FAT1: variants seen among roughly 807,000 people sequenced by gnomAD.
The protein encoded by FAT1 is protocadherin Fat 1.
In FAT1, 171 loss-of-function variants were observed where a neutral mutation model predicts 329.8. That is an observed-to-expected ratio of 0.52 (90% CI 0.46 to 0.59). FAT1 has a LOEUF of 0.59. Among genes scored for constraint, FAT1 ranks in the 20% least tolerant of loss-of-function variants. The pLI is 0.00. For synonymous variants in FAT1, 2,233 were observed against 2,228.6 expected (o/e 1.00, Z -0.06); for missense variants, 5,672 against 5,774.4 (o/e 0.98, Z 0.57).
intron 1 of FAT1, among the ~76,000 whole-genome samples, chr4:186,711,416 ACTAT>A (rs1304260448): frequency 6.6e-6 from 1 of 152,116 alleles, no homozygotes; most frequent in Non-Finnish European, 1.5e-5. Context: ...TTCTCCCAAA[ACTAT>A]CTCTTTAAGT....
Position 186,628,279 on chromosome 4 carries a change from A to C in FAT1, c.4685T>G (p.Phe1562Cys). 6.2e-7 allele frequency: 1 copy of C among 1,613,862 alleles called. No homozygotes were observed. The highest frequency in any genetic ancestry group is 8.5e-7 in the Non-Finnish European group (1 of 1,179,834). ...VSDTNDHAPWFTASSYKGRVY... is the reference protein window; with the variant it reads ...VSDTNDHAPWCTASSYKGRVY... ...CCGCCCTTTGTAGGAGGAAGCGGTG[A>C]ACCACGGGGCGTGGTCATTCGTGTC... is the stretch of plus-strand genomic sequence containing the variant. Residue 1562 changes from phenylalanine (F) to cysteine (C), a missense_variant, in exon 9 of 27, where the codon TTC becomes TGC. Phe to Cys is a radical substitution (Grantham distance 205, BLOSUM62 -2). Coordinates refer to ENST00000441802, the MANE Select transcript of FAT1 (RefSeq NM_005245.4).
At position 186,660,054 on chromosome 4, in the gene FAT1, C is replaced by T. The variant is rs142235739; in HGVS notation, c.3580+3245G>A. 2.9e-3 allele frequency among the ~76,000 whole-genome samples: 436 copies of T among 152,334 alleles called. 3 individuals are homozygous for T. Among genetic ancestry groups the T allele is most frequent in the African/African-American group, 9.9e-3 (410 of 41,584 alleles). On this transcript the variant is annotated intron_variant, in intron 3 of 26. Transcript: ENST00000441802. ...CGCCCCAAGATCCCAGAGGGAAGGC[C>T]TCACTATGGTCCGGATCTCTGGATT...
At chr4:186,690,242 G>C (rs528098991) in intron 2 of FAT1, among the ~76,000 whole-genome samples, 1 of 152,220 alleles carries the variant, frequency 6.6e-6, no homozygotes, top group East Asian at 1.9e-4. Flanking sequence ...TTAGAATGCT[G>C]GTAATCTTAG....
intron 7 of FAT1, among the ~76,000 whole-genome samples, chr4:186,632,348 G>A (rs1215629727): frequency 1.3e-5 from 2 of 152,150 alleles, no homozygotes; most frequent in African/African-American, 4.8e-5. Flanking sequence ...AGATTTCTGG[G>A]TAGTCGATTC....
chr4:186,659,024 C>T (rs896448659), intron 3 of FAT1, among the ~76,000 whole-genome samples: 4 of 152,244 alleles, frequency 2.6e-5, no homozygotes, highest in African/African-American at 9.6e-5. Context: ...GCTGCATATA[C>T]GATCGAACCG....
At chr4:186,672,398 C>T (rs1443930162) in intron 2 of FAT1, among the ~76,000 whole-genome samples, 3 of 152,156 alleles carry the variant, frequency 2.0e-5, no homozygotes, top group Non-Finnish European at 4.4e-5. Flanking sequence ...GATAAAAATA[C>T]AGTAAATCAT....
intron 17 of FAT1, among the ~76,000 whole-genome samples, chr4:186,605,671 G>A (rs1281792718): frequency 6.6e-6 from 1 of 150,592 alleles, no homozygotes; most frequent in East Asian, 2.0e-4. Context: ...GGGAGGAGGA[G>A]TAGGGAGGAA....
intron 2 of FAT1, among the ~76,000 whole-genome samples, chr4:186,686,164 T>C (rs1055717019): frequency 8.5e-5 from 13 of 152,182 alleles, no homozygotes; most frequent in African/African-American, 3.1e-4. Flanking sequence ...CATTTGGTAC[T>C]GCTGCCTTTA....
Position 186,588,652 on chromosome 4 carries a change from G to T in FAT1, c.13707C>A (p.Asp4569Glu), listed in dbSNP as rs745595921. Residue 4569 changes from aspartate (D) to glutamate (E), a missense_variant, in exon 27 of 27, where the codon GAC (aspartate) becomes GAA (glutamate). This residue lies in a region of FAT1 where 1,706 missense variants were observed against 1,859.1 expected (regional missense o/e 0.92). Coordinates refer to ENST00000441802, the MANE Select transcript of FAT1 (RefSeq NM_005245.4). ...VMMSDYESGD[D>E]GHFEEVTIPP... ...GGATCGTCACCTCTTCGAAGTGGCCGTCGTCCCCGCTCTCATAGTCACTCA... is the reference window on the plus strand; with the variant it reads ...GGATCGTCACCTCTTCGAAGTGGCCTTCGTCCCCGCTCTCATAGTCACTCA... 6.2e-7 allele frequency: 1 copy of T among 1,613,876 alleles called. No homozygotes were observed. The highest frequency in any genetic ancestry group is 8.5e-7 in the Non-Finnish European group (1 of 1,179,858).
rs2126527340 is a variant in FAT1 at position 186,621,656 on chromosome 4, T to C, written c.4930A>G (p.Ser1644Gly). The C allele has an allele frequency of 6.2e-7, 1 of 1,614,028 alleles. No individual in the cohort carries two copies. The highest frequency in any genetic ancestry group is 1.1e-5 in the South Asian group (1 of 91,076). Reference sequence around the variant, plus strand: ...GAAGTTATTTCACTCATTGGTGGACTGCCCTTATCTGTAGCTTTTACCATT... The same window carrying C: ...GAAGTTATTTCACTCATTGGTGGACCGCCCTTATCTGTAGCTTTTACCATT... ...DLMVKATDKG[S>G]PPMSEITSVR... Residue 1644 changes from serine (S) to glycine (G), a missense_variant, in exon 10 of 27, where the codon AGT becomes GGT. By Grantham distance (56) the Ser-to-Gly change is moderately conservative (BLOSUM62 0). Around this residue, in one of 2 missense-constraint regions of FAT1, gnomAD observed 3,966 missense variants for 3,915.2 expected, o/e 1.01. Transcript: ENST00000441802.
At chr4:186,635,216 G>A (rs1405635049) in intron 6 of FAT1, among the ~76,000 whole-genome samples, 2 of 152,026 alleles carry the variant, frequency 1.3e-5, no homozygotes, top group African/African-American at 4.8e-5. Flanking sequence ...GGGGCAGAAG[G>A]GGAAAAATGG....
intron 2 of FAT1, among the ~76,000 whole-genome samples, chr4:186,704,943 CTTTTTTTTTTT>C (rs575252840): frequency 1.5e-4 from 18 of 120,630 alleles, no homozygotes; most frequent in Admixed American, 8.6e-5. Flanking sequence ...TCCAAAATAA[CTTTTTTTTTTT>C]TTTTTTTTTT....
chr4:186,597,371 T>G (rs1294557109), intron 24 of FAT1, 200 bp from the exon 25 acceptor site: 2 of 599,576 alleles, frequency 3.3e-6, no homozygotes, highest in Non-Finnish European at 5.6e-6. Context: ...TGTGATCGCA[T>G]GCTTTTGATG....
At position 186,709,397 on chromosome 4, in the gene FAT1, T is replaced by C. The variant is rs1362435265; in HGVS notation, c.431A>G (p.Asp144Gly). 1 of 1,613,846 alleles carries C rather than the reference T, an allele frequency of 6.2e-7. No homozygotes were observed. Among genetic ancestry groups the C allele is most frequent in the Non-Finnish European group, 8.5e-7 (1 of 1,179,904 alleles). The change falls in exon 2 of 27, where the codon GAC (aspartate) becomes GGC (glycine). Residue 144 changes from aspartate (D) to glycine (G), a missense_variant. Asp to Gly is a moderately conservative substitution (Grantham distance 94). This residue lies in a region of FAT1 where 3,966 missense variants were observed against 3,915.2 expected (regional missense o/e 1.01). Coordinates refer to ENST00000441802, the MANE Select transcript of FAT1 (RefSeq NM_005245.4). ...GGTGGGTGAGAATAACGGTCTCAAG[T>C]CATTTGTATCCAGCACCTGCACCCT... ...KVRVQVLDTN[D>G]LRPLFSPTSY...
chr4:186,664,708 G>A (rs1463671677), intron 2 of FAT1, among the ~76,000 whole-genome samples: 5 of 152,150 alleles, frequency 3.3e-5, no homozygotes, highest in African/African-American at 9.6e-5. Context: ...GTGCAATCTC[G>A]CCCTTTGTCT....
In FAT1 at chr4:186,620,041, A is replaced by G; in HGVS notation, c.6545T>C (p.Phe2182Ser). 1 of 1,614,008 alleles carries G rather than the reference A, an allele frequency of 6.2e-7. No individual in the cohort carries two copies. Among genetic ancestry groups the G allele is most frequent in the Non-Finnish European group, 8.5e-7 (1 of 1,179,900 alleles). Residue 2182 changes from phenylalanine (F) to serine (S), a missense_variant, in exon 10 of 27, where the codon TTT (phenylalanine) becomes TCT (serine). Phe to Ser is a radical substitution (Grantham distance 155). Transcript: ENST00000441802. ...ITVMNKAMPV[F>S]EKPFYSAEIA... ...CTCTGCACTGTAGAAAGGTTTTTCA[A>G]ACACAGGCATGGCTTTATTCATGAC... is the stretch of plus-strand genomic sequence containing the variant.
intron 1 of FAT1, among the ~76,000 whole-genome samples, chr4:186,719,058 G>A (rs910003909): frequency 6.6e-6 from 1 of 152,132 alleles, no homozygotes; most frequent in Non-Finnish European, 1.5e-5. Flanking sequence ...ACATTCTCCT[G>A]ATTCTCTTCC....
chr4:186,612,990 G>A lies in FAT1; in HGVS notation c.9463+119C>T, dbSNP rs1044682528. The stretch of plus-strand genomic sequence containing the variant: ...TAAAGATTTCCTTCCACAAGGAAGG[G>A]CTATGGAACATGCATGAGGTGGAGT... On this transcript the variant is annotated intron_variant, in intron 13 of 26. Coordinates refer to ENST00000441802, the MANE Select transcript of FAT1 (RefSeq NM_005245.4). 136 of 640,974 alleles carry A rather than the reference G, an allele frequency of 2.1e-4. 1 individual carries two copies. Among genetic ancestry groups the A allele is most frequent in the East Asian group, 8.2e-5 (3 of 36,760 alleles). 39.7% of individuals were successfully genotyped at this position (640,974 alleles called of 1,614,324 possible).
At position 186,721,713 on chromosome 4, in the gene FAT1, T is replaced by A. The variant is rs1484235865; in HGVS notation, c.-19+1951A>T. On this transcript the variant is annotated intron_variant, in intron 1 of 26. Coordinates refer to ENST00000441802, the MANE Select transcript of FAT1 (RefSeq NM_005245.4). ...AAGTGTTAAAACATAATCTCTAAGA[T>A]CCTATCCACCTCTAACATTCAAAGA... Among the ~76,000 whole-genome samples the A allele has an allele frequency of 2.0e-5, 3 of 152,146 alleles. No homozygotes were observed. The East Asian group carries it at 5.8e-4, about 29-fold the overall frequency.
Sources: allele counts gnomAD v4.1 joint callset (sites outside exome capture counted in the v4.1 genomes callset), GRCh38; gene constraint gnomAD v4.1.1; regional missense constraint gnomAD v4.1.1; transcripts MANE v1.5; gene names NCBI Gene and HGNC (gene_info 2026-07-23, HGNC 2026-07-21).